The following MGAT4C variants were observed in gnomAD, a reference collection of about 807,000 sequenced individuals.
MGAT4C encodes the protein alpha-1,3-mannosyl-glycoprotein 4-beta-N-acetylglucosaminyltransferase C.
A neutral mutation model predicts 40.1 loss-of-function variants in MGAT4C; 19 were observed. The ratio of observed to expected loss-of-function variants is 0.47; its 90% CI spans 0.33 to 0.70. The LOEUF (loss-of-function observed/expected upper bound fraction) is 0.70, where lower values mean the gene tolerates loss of function less well. MGAT4C is among the 30% of genes least tolerant of loss of function. MGAT4C has a pLI of 0.02. For synonymous variants in MGAT4C, 181 were observed against 187.1 expected, an observed-to-expected ratio of 0.97 and a Z score of 0.27; for missense variants, 491 against 563.2, an observed-to-expected ratio of 0.87 and a Z score of 1.30.
intron 2 of MGAT4C, among the ~76,000 whole-genome samples, chr12:86,540,580 A>G (rs964307903): frequency 1.3e-5 from 2 of 152,122 alleles, no homozygotes; most frequent in Non-Finnish European, 2.9e-5. Flanking sequence ...TACTAAAAAT[A>G]CAAAAATTAG....
chr12:86,178,388 T>C (rs930057646), intron 1 of MGAT4C, among the ~76,000 whole-genome samples: 3 of 152,242 alleles, frequency 2.0e-5, no homozygotes, highest in African/African-American at 2.4e-5. Flanking sequence ...GTAATCTCTA[T>C]GTTCCTTGAC....
Position 86,274,625 on chromosome 12 carries a change from C to T in MGAT4C, c.-57+59440G>A, listed in dbSNP as rs779570490. Among the ~76,000 whole-genome samples, 111 of 152,168 alleles carry T rather than the reference C, an allele frequency of 7.3e-4. 1 individual carries two copies. The highest frequency in any genetic ancestry group is 1.3e-3 in the Non-Finnish European group (91 of 68,006). ...AACCAAGAACTCCTGGGCAGATTTA[C>T]AGATGGAATGTTCCATAATTAAGTT... On this transcript the variant is annotated intron_variant, in intron 4 of 7. Coordinates refer to the MGAT4C transcript ENST00000548651.
chr12:86,594,842 T>C (rs12308283), intron 2 of MGAT4C, among the ~76,000 whole-genome samples: 5,036 of 152,212 alleles, frequency 0.033, 132 homozygotes, highest in Middle Eastern at 0.086. Context: ...TTCCTGCAAT[T>C]ACCTAAAGCT....
At chr12:86,689,110 T>A (rs980482383) in intron 2 of MGAT4C, among the ~76,000 whole-genome samples, 1 of 152,216 alleles carries the variant, frequency 6.6e-6, no homozygotes, top group East Asian at 1.9e-4. Flanking sequence ...ATCTCTGATA[T>A]CCTTTATTTC....
At position 85,989,481 on chromosome 12, in the gene MGAT4C, T is replaced by C; in HGVS notation, c.66A>G (p.Lys22=). 3 of 1,606,810 alleles carry C rather than the reference T, an allele frequency of 1.9e-6. No homozygotes were observed. Among genetic ancestry groups the C allele is most frequent in the Non-Finnish European group, 2.6e-6 (3 of 1,175,320 alleles). Residue 22 remains lysine, a synonymous_variant, in exon 3 of 5, where the codon AAA becomes AAG. Transcript: ENST00000611864. ...CTCCCAAGAATGACACTGTAGAACG[T>C]TTTCTCAGGCATCTCATTTTATCAA... ...EILDKMRCLR[K]RSTVSFLGVL... is the part of the protein sequence containing the mutation.
At chr12:86,186,487 T>C (rs1180816568) in intron 1 of MGAT4C, among the ~76,000 whole-genome samples, 3 of 152,136 alleles carry the variant, frequency 2.0e-5, no homozygotes, top group African/African-American at 4.8e-5. Context: ...AAACTTTACA[T>C]ACTAATTGAA....
chr12:86,816,339 A>C (rs1952606388), intron 1 of MGAT4C, among the ~76,000 whole-genome samples: 1 of 151,910 alleles, frequency 6.6e-6, no homozygotes, highest in African/African-American at 2.4e-5. Context: ...AAAATACGTT[A>C]CAAGTTTGTT....
intron 3 of MGAT4C, among the ~76,000 whole-genome samples, chr12:86,365,105 C>T (rs906210823): frequency 6.6e-6 from 1 of 152,058 alleles, no homozygotes; most frequent in Non-Finnish European, 1.5e-5. Context: ...GACGGCCGCC[C>T]CCTGAAGTGG....
At chr12:86,184,757 A>AAAAC (rs929681548) in intron 1 of MGAT4C, among the ~76,000 whole-genome samples, 1 of 150,690 alleles carries the variant, frequency 6.6e-6, no homozygotes, top group African/African-American at 2.4e-5. Flanking sequence ...AAAAAAAAAA[A>AAAAC]AAAAAAACTA....
In MGAT4C at chr12:86,502,743, A is replaced by AATACACGAGTTCTGCTCATATATATGT. The variant is rs746119308; in HGVS notation, c.-228-67505_-228-67479dup. Reference sequence around the variant, plus strand: ...TATACACGAGTTCTGCTCATATATAAATACACGAGTTCTGCTCATATATAT... The same window carrying AATACACGAGTTCTGCTCATATATATGT: ...TATACACGAGTTCTGCTCATATATAAATACACGAGTTCTGCTCATATATATGTATACACGAGTTCTGCTCATATATAT... On this transcript the variant is annotated intron_variant, in intron 2 of 7. Transcript: ENST00000548651. 1.3e-4 allele frequency among the ~76,000 whole-genome samples: 8 copies of AATACACGAGTTCTGCTCATATATATGT among 62,654 alleles called. 1 individual carries two copies. The highest frequency in any genetic ancestry group is 5.9e-4 in the South Asian group (1 of 1,694). 41.1% of individuals were successfully genotyped at this position (62,654 alleles called of 152,430 possible).
intron 3 of MGAT4C, among the ~76,000 whole-genome samples, chr12:86,421,768 A>G: frequency 6.6e-6 from 1 of 152,172 alleles, no homozygotes; most frequent in East Asian, 1.9e-4. Context: ...CAAGAGAGAG[A>G]CTCCATCTCA....
chr12:86,028,312 G>A, intron 2 of MGAT4C: 1 of 475,848 alleles, frequency 2.1e-6, no homozygotes, highest in Non-Finnish European at 3.5e-6. Context: ...CCCTTTGTCT[G>A]CTGACATACG....
intron 3 of MGAT4C, among the ~76,000 whole-genome samples, chr12:86,369,643 G>C (rs778342306): frequency 7.2e-5 from 11 of 151,922 alleles, no homozygotes; most frequent in Non-Finnish European, 1.5e-4. Context: ...ATTGAGGTCA[G>C]AATTTATTTT....
At chr12:86,274,675 A>G (rs1953025600) in intron 4 of MGAT4C, among the ~76,000 whole-genome samples, 2 of 152,302 alleles carry the variant, frequency 1.3e-5, no homozygotes, top group South Asian at 4.1e-4. Context: ...GAAAAGCAAA[A>G]GTAGTATTTA....
Position 86,659,326 on chromosome 12 carries a change from TAAGGTGG to T in MGAT4C, c.-229+67876_-229+67882del, listed in dbSNP as rs1458794523. ...AAGTTGCAGGAAGAACATCTCAAACTAAGGTGGAAATTCTCCCAAAATGCCAGAGAAG... is the reference window on the plus strand; with the variant it reads ...AAGTTGCAGGAAGAACATCTCAAACTAAATTCTCCCAAAATGCCAGAGAAG... On this transcript the variant is annotated intron_variant, in intron 2 of 7. Coordinates refer to the MGAT4C transcript ENST00000548651. Among the ~76,000 whole-genome samples, 14 of 152,130 alleles carry T rather than the reference TAAGGTGG, an allele frequency of 9.2e-5. 1 individual carries two copies. Among genetic ancestry groups the T allele is most frequent in the African/African-American group, 3.1e-4 (13 of 41,524 alleles).
intron 2 of MGAT4C, among the ~76,000 whole-genome samples, chr12:86,436,202 T>C (rs78706445): frequency 0.014 from 2,081 of 150,892 alleles, 40 homozygotes; most frequent in African/African-American, 0.048. Flanking sequence ...TGGTATCTTA[T>C]TTTTCATCTG....
chr12:86,428,509 G>A (rs144498471), intron 3 of MGAT4C, among the ~76,000 whole-genome samples: 3 of 152,264 alleles, frequency 2.0e-5, no homozygotes, highest in Admixed American at 6.5e-5. Flanking sequence ...TACCACTCCC[G>A]GCCTCTCCTC....
intron 2 of MGAT4C, among the ~76,000 whole-genome samples, chr12:86,509,645 C>T (rs973264597): frequency 3.3e-5 from 5 of 152,030 alleles, no homozygotes; most frequent in African/African-American, 1.2e-4. Context: ...TGTAAATTAC[C>T]TTGGGCAGTA....
chr12:86,466,955 A>G (rs1957690971), intron 2 of MGAT4C, among the ~76,000 whole-genome samples: 1 of 152,198 alleles, frequency 6.6e-6, no homozygotes, highest in Non-Finnish European at 1.5e-5. Context: ...TATTTATGTG[A>G]ATCTGCTACA....
Sources: gnomAD v4.1 joint callset for allele counts (sites outside exome capture counted in the v4.1 genomes callset) on GRCh38, gnomAD v4.1.1 for gene constraint, MANE v1.5 for transcripts, NCBI Gene and HGNC (gene_info 2026-07-23, HGNC 2026-07-21) for gene names.